Variants in KCNH1 observed in about 807,000 individuals in gnomAD.
The protein encoded by KCNH1 is voltage-gated delayed rectifier potassium channel KCNH1.
In KCNH1, 27 loss-of-function variants were observed where a neutral mutation model predicts 69.2. The observed-to-expected ratio is 0.39, with a 90% confidence interval of 0.29 to 0.54. The LOEUF is 0.54. KCNH1 is among the 20% of genes least tolerant of loss of function. The pLI is 0.68. For synonymous variants in KCNH1, 456 were observed against 487.7 expected (o/e 0.93, Z 0.86); for missense variants, 798 against 1,261.6 (o/e 0.63, Z 5.57).
intron 6 of KCNH1, among the ~76,000 whole-genome samples, chr1:210,996,294 G>A (rs368060337): frequency 1.1e-4 from 17 of 152,284 alleles, no homozygotes; most frequent in African/African-American, 2.4e-4. Flanking sequence ...CTAATAGTGC[G>A]CTTTTCCAAC....
intron 7 of KCNH1, among the ~76,000 whole-genome samples, chr1:210,887,154 G>A (rs1020314482): frequency 2.6e-5 from 4 of 152,044 alleles, no homozygotes; most frequent in South Asian, 2.1e-4. Context: ...AAGAAAGGTC[G>A]GGTTACCCAC....
chr1:210,766,114 T>C (rs1399070353), intron 10 of KCNH1, among the ~76,000 whole-genome samples: 6 of 152,130 alleles, frequency 3.9e-5, no homozygotes, highest in African/African-American at 1.4e-4. Flanking sequence ...TGGAGGGACA[T>C]GCCCAATATT....
chr1:210,700,690 A>C (rs1395910532), intron 10 of KCNH1, among the ~76,000 whole-genome samples: 1 of 152,216 alleles, frequency 6.6e-6, no homozygotes, highest in Non-Finnish European at 1.5e-5. Context: ...AGGCTGCTCA[A>C]TTCTGCCACG....
At chr1:210,785,107 T>C (rs1049226730) in intron 9 of KCNH1, among the ~76,000 whole-genome samples, 3 of 152,154 alleles carry the variant, frequency 2.0e-5, no homozygotes, top group Non-Finnish European at 2.9e-5. Flanking sequence ...AATGTCCATA[T>C]GTGTGTAACA....
intron 10 of KCNH1, among the ~76,000 whole-genome samples, chr1:210,755,774 C>T (rs890700411): frequency 1.3e-5 from 2 of 152,200 alleles, no homozygotes; most frequent in African/African-American, 4.8e-5. Flanking sequence ...TTCTTTCCCC[C>T]AGATCCCCAC....
At chr1:210,736,108 C>G in intron 10 of KCNH1, among the ~76,000 whole-genome samples, 1 of 152,092 alleles carries the variant, frequency 6.6e-6, no homozygotes, top group East Asian at 1.9e-4. Flanking sequence ...TCCACAGGCA[C>G]AATCACAGTG....
chr1:211,005,888 A>C (rs1337297254), intron 6 of KCNH1, among the ~76,000 whole-genome samples: 1 of 152,266 alleles, frequency 6.6e-6, no homozygotes, highest in Non-Finnish European at 1.5e-5. Context: ...TCTACAAATC[A>C]ATTTTTTAAT....
intron 5 of KCNH1, among the ~76,000 whole-genome samples, chr1:211,047,576 G>A (rs768993077): frequency 1.2e-4 from 18 of 152,178 alleles, no homozygotes; most frequent in Non-Finnish European, 2.6e-4. Context: ...AGCAAGTCAA[G>A]ATCTCCATGC....
intron 6 of KCNH1, among the ~76,000 whole-genome samples, chr1:211,018,574 G>C (rs1319962544): frequency 6.6e-6 from 1 of 152,146 alleles, no homozygotes; most frequent in Non-Finnish European, 1.5e-5. Context: ...TAAGCCTTTG[G>C]TCTCTTCCAC....
chr1:210,955,619 T>A (rs551801011), intron 6 of KCNH1, among the ~76,000 whole-genome samples: 3 of 152,290 alleles, frequency 2.0e-5, no homozygotes, highest in Non-Finnish European at 2.9e-5. Flanking sequence ...GTCATTCACA[T>A]CCCTTGTAAG....
chr1:210,685,840 A>G (rs1014953365), intron 10 of KCNH1, among the ~76,000 whole-genome samples: 1 of 152,182 alleles, frequency 6.6e-6, no homozygotes, highest in South Asian at 2.1e-4. Context: ...CAACACAGAG[A>G]AGCCAAATAA....
chr1:210,997,574 T>G (rs1028498285), intron 6 of KCNH1, among the ~76,000 whole-genome samples: 2 of 152,196 alleles, frequency 1.3e-5, no homozygotes, highest in African/African-American at 4.8e-5. Context: ...TGGAACCAAG[T>G]TGGAAAACAC....
chr1:210,846,904 C>G (rs1379458294), intron 7 of KCNH1, among the ~76,000 whole-genome samples: 2 of 152,148 alleles, frequency 1.3e-5, no homozygotes, highest in Non-Finnish European at 2.9e-5. Flanking sequence ...ACAACCCCAT[C>G]AAAAAGTGGG....
intron 5 of KCNH1, among the ~76,000 whole-genome samples, chr1:211,019,457 A>G (rs950237671): frequency 1.3e-5 from 2 of 152,224 alleles, no homozygotes; most frequent in South Asian, 4.1e-4. Flanking sequence ...ACAAATTACT[A>G]TTTGGCTGTG....
rs139001420 is a variant in KCNH1 at position 211,016,922 on chromosome 1, A to AAAATT, written c.1032+1860_1032+1861insAATTT. On this transcript the variant is annotated intron_variant, in intron 6 of 10. Coordinates refer to ENST00000271751, the MANE Select transcript of KCNH1 (RefSeq NM_172362.3). ...AGACTCTGTCTCAAAAAAAAAAAAA[A>AAAATT]TTTTAAAATTAAAAAAAAAAATTCT... Among the ~76,000 whole-genome samples, 107 of 146,586 alleles carry AAAATT rather than the reference A, an allele frequency of 7.3e-4. 2 individuals are homozygous for AAAATT. The highest frequency in any genetic ancestry group is 2.5e-3 in the African/African-American group (98 of 39,406).
intron 10 of KCNH1, among the ~76,000 whole-genome samples, chr1:210,706,590 T>C (rs1039341265): frequency 6.6e-6 from 1 of 152,214 alleles, no homozygotes; most frequent in African/African-American, 2.4e-5. Context: ...GTTTAACTCC[T>C]CTGTGTTACC....
At chr1:210,891,713 G>A (rs1238639590) in intron 7 of KCNH1, among the ~76,000 whole-genome samples, 2 of 151,778 alleles carry the variant, frequency 1.3e-5, no homozygotes, top group Non-Finnish European at 2.9e-5. Flanking sequence ...CCTATTACTG[G>A]GTATATACCC....
chr1:210,920,849 C>T (rs1436155322), intron 6 of KCNH1, among the ~76,000 whole-genome samples: 2 of 152,164 alleles, frequency 1.3e-5, no homozygotes, highest in East Asian at 3.8e-4. Flanking sequence ...TAAATACAAT[C>T]AGTCAAGGAA....
chr1:210,750,867 T>C (rs74156063), intron 10 of KCNH1, among the ~76,000 whole-genome samples: 9,356 of 152,078 alleles, frequency 0.062, 537 homozygotes, highest in East Asian at 0.15. Flanking sequence ...ATATGAGAGC[T>C]CATCTAATGT....
Sources: allele counts gnomAD v4.1 joint callset (sites outside exome capture counted in the v4.1 genomes callset), GRCh38; gene constraint gnomAD v4.1.1; transcripts MANE v1.5; gene names NCBI Gene and HGNC (gene_info 2026-07-23, HGNC 2026-07-21).